The following CCDC150 variants were observed in gnomAD, a reference collection of about 807,000 sequenced individuals.
The protein encoded by CCDC150 is coiled-coil domain containing 150.
In CCDC150, 151 loss-of-function variants were observed where a neutral mutation model predicts 156.5. That is an observed-to-expected ratio of 0.97 (90% confidence interval 0.85 to 1.10). CCDC150 has a LOEUF of 1.10. CCDC150 is among the 50% of genes least tolerant of loss of function. CCDC150 has a pLI of 0.00. For synonymous variants in CCDC150, 452 were observed against 429.4 expected (o/e 1.05, Z -0.65); for missense variants, 1,312 against 1,268.1 (o/e 1.03, Z -0.53).
chr2:196,703,303 G>A (rs184914781), intron 15 of CCDC150, among the ~76,000 whole-genome samples: 2 of 152,254 alleles, frequency 1.3e-5, no homozygotes. Flanking sequence ...AAAGGTAGTC[G>A]ATAAGCCATG....
chr2:196,679,084 T>C (rs185969793), intron 13 of CCDC150, among the ~76,000 whole-genome samples: 29 of 152,354 alleles, frequency 1.9e-4, no homozygotes, highest in Admixed American at 7.2e-4. Context: ...ATAGTGCTTA[T>C]AGAGAATCTC....
intron 2 of CCDC150, among the ~76,000 whole-genome samples, chr2:196,656,155 C>T (rs1024686787): frequency 1.3e-5 from 2 of 152,146 alleles, no homozygotes; most frequent in Non-Finnish European, 2.9e-5. Flanking sequence ...CTTGTGTATG[C>T]CTCTAATCCC....
intron 21 of CCDC150, among the ~76,000 whole-genome samples, chr2:196,722,198 A>C (rs1697960182): frequency 6.6e-6 from 1 of 152,206 alleles, no homozygotes; most frequent in Non-Finnish European, 1.5e-5. Context: ...ACCTCGGTAA[A>C]TATTTAGATA....
At chr2:196,702,464 G>C (rs1165875093) in intron 15 of CCDC150, among the ~76,000 whole-genome samples, 1 of 151,542 alleles carries the variant, frequency 6.6e-6, no homozygotes, top group Non-Finnish European at 1.5e-5. Context: ...GGGCTCAAAT[G>C]TTCCTCCCAC....
intron 2 of CCDC150, among the ~76,000 whole-genome samples, chr2:196,647,843 T>G (rs1692636083): frequency 6.6e-6 from 1 of 152,168 alleles, no homozygotes; most frequent in South Asian, 2.1e-4. Flanking sequence ...AGTGGATGGC[T>G]AGAACTTATA....
intron 17 of CCDC150, chr2:196,718,209 A>AAGCT (rs1697656492): frequency 5.7e-6 from 1 of 175,942 alleles, no homozygotes; most frequent in African/African-American, 2.4e-5. Flanking sequence ...TTTCAAAAGG[A>AAGCT]AGCTAGTCTC....
At chr2:196,698,524 A>G (rs928207037) in intron 14 of CCDC150, among the ~76,000 whole-genome samples, 3 of 152,164 alleles carry the variant, frequency 2.0e-5, no homozygotes, top group Admixed American at 2.0e-4. Context: ...TTTAAAAAAA[A>G]CTTTCCCCAT....
chr2:196,643,976 T>G (rs1692385976), intron 1 of CCDC150, among the ~76,000 whole-genome samples: 1 of 152,214 alleles, frequency 6.6e-6, no homozygotes, highest in Non-Finnish European at 1.5e-5. Flanking sequence ...TTTCCTTGTG[T>G]TTATCAGACA....
Position 196,642,876 on chromosome 2 carries a change from G to GCTA in CCDC150, c.12+3100_12+3102dup, listed in dbSNP as rs369790748. On this transcript the variant is annotated intron_variant, in intron 1 of 27. Transcript: ENST00000389175. The stretch of plus-strand genomic sequence containing the variant: ...TGCGTCAGCCTCCCAAGTAGCTAGG[G>GCTA]CTACAGGCACAGGCCACCATGCCCA... Among the ~76,000 whole-genome samples, 952 of 152,212 alleles carry GCTA rather than the reference G, an allele frequency of 6.3e-3. 5 individuals are homozygous for GCTA. Among genetic ancestry groups the GCTA allele is most frequent in the African/African-American group, 0.022 (899 of 41,536 alleles).
chr2:196,646,921 T>G (rs1418583064), intron 2 of CCDC150, among the ~76,000 whole-genome samples: 1 of 152,154 alleles, frequency 6.6e-6, no homozygotes, highest in Non-Finnish European at 1.5e-5. Context: ...AAGGGGTTTT[T>G]GAAGTCTTTA....
chr2:196,666,027 T>G (rs1693821153), intron 6 of CCDC150, among the ~76,000 whole-genome samples: 1 of 152,196 alleles, frequency 6.6e-6, no homozygotes, highest in Admixed American at 6.5e-5. Context: ...ACATTGATTT[T>G]GGAAGGCATT....
At chr2:196,695,789 C>T (rs1400831655) in intron 14 of CCDC150, among the ~76,000 whole-genome samples, 1 of 144,348 alleles carries the variant, frequency 6.9e-6, no homozygotes, top group African/African-American at 2.6e-5. Flanking sequence ...CCAACCTGGG[C>T]GACAGAGCGA....
chr2:196,697,278 T>C (rs1695886870), intron 14 of CCDC150, among the ~76,000 whole-genome samples: 1 of 152,172 alleles, frequency 6.6e-6, no homozygotes, highest in Admixed American at 6.5e-5. Context: ...GCTATTTCTT[T>C]CATATTTCCT....
intron 13 of CCDC150, among the ~76,000 whole-genome samples, chr2:196,681,189 A>T (rs1172839459): frequency 6.6e-6 from 1 of 152,220 alleles, no homozygotes; most frequent in Non-Finnish European, 1.5e-5. Context: ...TGGATATTTT[A>T]TATAAATATA....
rs779862752 is a variant in CCDC150, at chr2:196,676,173, C to T, written c.1168C>T (p.Gln390Ter). ...GCAGAAAATGATGACGCAGACATTT[C>T]AAGAACAAAACTTATTGCTGGATGC... ...VEQKMMTQTF[Q>*]EQNLLLDAAH... is the part of the protein sequence containing the mutation. The change falls in exon 11 of 28, where the codon CAA becomes TAA. Residue 390 changes from glutamine to a stop codon, truncating the protein, a stop_gained. Coordinates refer to ENST00000389175, the MANE Select transcript of CCDC150 (RefSeq NM_001080539.2). LOFTEE classifies it high-confidence loss of function. 2 of 1,613,602 alleles carry T rather than the reference C, an allele frequency of 1.2e-6. No individual in the cohort carries two copies. Among genetic ancestry groups the T allele is most frequent in the Admixed American group, 1.7e-5 (1 of 59,998 alleles).
intron 15 of CCDC150, among the ~76,000 whole-genome samples, chr2:196,710,987 A>G (rs1328637036): frequency 6.6e-6 from 1 of 152,128 alleles, no homozygotes; most frequent in Non-Finnish European, 1.5e-5. Flanking sequence ...GCCTCACTCT[A>G]ATCTACCATT....
chr2:196,699,419 CA>C (rs1481207866), intron 14 of CCDC150, among the ~76,000 whole-genome samples: 3 of 152,008 alleles, frequency 2.0e-5, no homozygotes, highest in Non-Finnish European at 4.4e-5. Context: ...AGGTGGTATA[CA>C]AGGGCTTTTC....
chr2:196,680,576 A>G (rs902122898), intron 13 of CCDC150, among the ~76,000 whole-genome samples: 1 of 152,198 alleles, frequency 6.6e-6, no homozygotes, highest in Non-Finnish European at 1.5e-5. Context: ...AATTGCTGGG[A>G]TTACAGGCGT....
chr2:196,693,522 C>T (rs952789508), intron 13 of CCDC150, among the ~76,000 whole-genome samples: 9 of 152,216 alleles, frequency 5.9e-5, no homozygotes, highest in Non-Finnish European at 1.5e-5. Context: ...TTGACACACT[C>T]ACTTACTCTA....
Sources: gnomAD v4.1 joint callset for allele counts (sites outside exome capture counted in the v4.1 genomes callset) on GRCh38, gnomAD v4.1.1 for gene constraint, MANE v1.5 for transcripts, NCBI Gene and HGNC (gene_info 2026-07-23, HGNC 2026-07-21) for gene names.